NEO1: variants seen among roughly 807,000 people sequenced by gnomAD.
NEO1 encodes the protein neogenin 1, also known as neogenin.
In NEO1, 63 loss-of-function variants were observed where a neutral mutation model predicts 159.7. That is an observed-to-expected ratio of 0.39 (90% CI 0.32 to 0.49). The LOEUF (loss-of-function observed/expected upper bound fraction) is 0.49, where lower values mean the gene tolerates loss of function less well. Ranked by LOEUF, NEO1 falls within the 20% of genes least tolerant of loss-of-function variation. The probability of loss-of-function intolerance (pLI) is 0.85; values close to 1 mark genes in which losing one functional copy is unlikely to be tolerated. For synonymous variants in NEO1, 633 were observed against 662.0 expected (o/e 0.96, Z 0.67); for missense variants, 1,615 against 1,831.0 (o/e 0.88, Z 2.15).
rs1193501720 is a variant in NEO1, at chr15:73,134,540, A to T, written c.879-1351A>T. On this transcript the variant is annotated intron_variant, in intron 4 of 28. Transcript: ENST00000261908. ...AGTCATTTCCTCTGATTTTTTTTTT[A>T]ATCCTATAAGGAATTCTTTTTTTTT... Among the ~76,000 whole-genome samples, 4 of 151,872 alleles carry T rather than the reference A, an allele frequency of 2.6e-5. No individual in the cohort carries two copies. In the East Asian group the frequency reaches 7.7e-4, roughly 29 times the overall value.
chr15:73,099,262 A>G (rs1397533375), intron 1 of NEO1, among the ~76,000 whole-genome samples: 4 of 152,178 alleles, frequency 2.6e-5, no homozygotes, highest in African/African-American at 4.8e-5. Flanking sequence ...TGTGTTATCA[A>G]ACTTTTAAGA....
intron 1 of NEO1, among the ~76,000 whole-genome samples, chr15:73,099,028 C>T (rs2070249200): frequency 6.6e-6 from 1 of 152,108 alleles, no homozygotes; most frequent in Non-Finnish European, 1.5e-5. Context: ...CATTTGCATT[C>T]CAGTTCAGTA....
intron 5 of NEO1, among the ~76,000 whole-genome samples, chr15:73,141,518 T>C (rs2032384485): frequency 6.6e-5 from 10 of 152,232 alleles, no homozygotes; most frequent in Admixed American, 6.5e-4. Context: ...CAACAGTCTG[T>C]GATACACATG....
intron 5 of NEO1, among the ~76,000 whole-genome samples, chr15:73,155,515 A>C (rs2033711690): frequency 1.3e-5 from 2 of 152,286 alleles, no homozygotes; most frequent in South Asian, 4.1e-4. Context: ...CTCTCTTGCT[A>C]GACTTGGGAA....
chr15:73,224,554 C>G (rs1392058245), intron 7 of NEO1, among the ~76,000 whole-genome samples: 3 of 150,032 alleles, frequency 2.0e-5, no homozygotes, highest in Non-Finnish European at 4.5e-5. Context: ...ATTGGAAGAC[C>G]TTGTCTTTGA....
At chr15:73,272,955 T>C (rs1209629749) in intron 19 of NEO1, among the ~76,000 whole-genome samples, 1 of 136,398 alleles carries the variant, frequency 7.3e-6, no homozygotes, top group Non-Finnish European at 1.5e-5. Flanking sequence ...TCTGCTCTTG[T>C]ACCCTGAAGC....
intron 13 of NEO1, 121 bp from the exon 14 acceptor site, chr15:73,258,645 G>A (rs946428943): frequency 1.3e-6 from 1 of 744,120 alleles, no homozygotes; most frequent in South Asian, 1.7e-5. Flanking sequence ...AACTTAAACT[G>A]AAACTTTGCC....
At chr15:73,094,853 T>C (rs922788362) in intron 1 of NEO1, among the ~76,000 whole-genome samples, 5 of 152,224 alleles carry the variant, frequency 3.3e-5, no homozygotes, top group African/African-American at 1.2e-4. Flanking sequence ...TATTCTTTCA[T>C]CAAGAGGTGT....
intron 1 of NEO1, among the ~76,000 whole-genome samples, chr15:73,084,151 T>TA (rs2069224058): frequency 2.0e-5 from 3 of 152,004 alleles, no homozygotes; most frequent in Admixed American, 2.0e-4. Flanking sequence ...CCCTAGAACT[T>TA]AAAGTATAAT....
chr15:73,223,875 G>T (rs574025683), intron 7 of NEO1, among the ~76,000 whole-genome samples: 11 of 152,202 alleles, frequency 7.2e-5, no homozygotes, highest in Admixed American at 6.5e-4. Context: ...TTTTTAACTT[G>T]TACTTTTGTT....
intron 7 of NEO1, among the ~76,000 whole-genome samples, chr15:73,217,483 T>C (rs2037964164): frequency 6.6e-6 from 1 of 152,070 alleles, no homozygotes; most frequent in Non-Finnish European, 1.5e-5. Flanking sequence ...ATTGGTAGCT[T>C]GATGGGGATG....
intron 1 of NEO1, among the ~76,000 whole-genome samples, chr15:73,060,049 T>C (rs949025391): frequency 6.6e-6 from 1 of 151,584 alleles, no homozygotes; most frequent in Non-Finnish European, 1.5e-5. Context: ...AAAAAAAAAA[T>C]CACCAAAATA....
chr15:73,060,358 G>T (rs2067918973), intron 1 of NEO1, among the ~76,000 whole-genome samples: 2 of 152,072 alleles, frequency 1.3e-5, no homozygotes, highest in African/African-American at 4.8e-5. Flanking sequence ...CTGCCTCCCA[G>T]ATTCAAGCCA....
intron 2 of NEO1, among the ~76,000 whole-genome samples, chr15:73,122,033 T>A (rs1192364456): frequency 1.4e-5 from 2 of 145,526 alleles, no homozygotes; most frequent in Non-Finnish European, 3.0e-5. Context: ...TGGACAGGGC[T>A]AGGAAATATA....
chr15:73,091,218 GT>G (rs1390049038), intron 1 of NEO1, among the ~76,000 whole-genome samples: 2 of 152,126 alleles, frequency 1.3e-5, no homozygotes, highest in Non-Finnish European at 2.9e-5. Context: ...AACCTCAAAA[GT>G]TTTTATTAAA....
intron 7 of NEO1, among the ~76,000 whole-genome samples, chr15:73,234,187 C>T (rs1273610537): frequency 6.6e-6 from 1 of 152,176 alleles, no homozygotes; most frequent in East Asian, 1.9e-4. Context: ...CAAGACTGTT[C>T]AGGCTACTTT....
intron 5 of NEO1, among the ~76,000 whole-genome samples, chr15:73,171,422 G>C (rs933899003): frequency 6.6e-6 from 1 of 151,646 alleles, no homozygotes; most frequent in African/African-American, 2.4e-5. Flanking sequence ...AAATTAGCTG[G>C]GTGTGGTGGT....
rs539043744 is a variant in NEO1, at chr15:73,139,092, G to A, written c.1015+3065G>A. Among the ~76,000 whole-genome samples, 6 of 152,236 alleles carry A rather than the reference G, an allele frequency of 3.9e-5. No homozygotes were observed. The South Asian group carries it at 1.2e-3, about 32-fold the overall frequency. ...TCAGTAGATGGTCCTGGAAAAACTG[G>A]ATAGCCACATGTGGGAGAATGAAAT... is the stretch of plus-strand genomic sequence containing the variant. On this transcript the variant is annotated intron_variant, in intron 5 of 28. Transcript: ENST00000261908.
chr15:73,084,090 T>C (rs983723487), intron 1 of NEO1, among the ~76,000 whole-genome samples: 1 of 152,014 alleles, frequency 6.6e-6, no homozygotes, highest in Non-Finnish European at 1.5e-5. Context: ...TTAACATATG[T>C]ATTACCTCAT....
Sources: gnomAD v4.1 joint callset for allele counts (sites outside exome capture counted in the v4.1 genomes callset) on GRCh38, gnomAD v4.1.1 for gene constraint, MANE v1.5 for transcripts, NCBI Gene and HGNC (gene_info 2026-07-23, HGNC 2026-07-21) for gene names.